The following SNTG1 variants were observed in gnomAD, a reference collection of about 807,000 sequenced individuals.
SNTG1 encodes gamma-1-syntrophin.
SNTG1 carries 39 observed loss-of-function variants against 74.7 expected under a neutral mutation model. That is an observed-to-expected ratio of 0.52 (90% CI 0.40 to 0.68). The LOEUF (loss-of-function observed/expected upper bound fraction) is 0.68. Ranked by LOEUF, SNTG1 falls within the 30% of genes least tolerant of loss-of-function variation. SNTG1 has a pLI of 0.00. For synonymous variants in SNTG1, 254 were observed against 217.1 expected (o/e 1.17, Z -1.49); for missense variants, 685 against 609.5 (o/e 1.12, Z -1.30).
intron 13 of SNTG1, among the ~76,000 whole-genome samples, chr8:50,604,245 C>T (rs150501480): frequency 6.3e-4 from 96 of 152,136 alleles, no homozygotes; most frequent in African/African-American, 2.1e-3. Flanking sequence ...TGATGAAACT[C>T]ATCTGTACTT....
At chr8:50,477,587 A>C (rs1210731561) in intron 8 of SNTG1, among the ~76,000 whole-genome samples, 1 of 152,172 alleles carries the variant, frequency 6.6e-6, no homozygotes, top group East Asian at 1.9e-4. Flanking sequence ...AGATCCTGGA[A>C]CTAGAATAAA....
chr8:50,783,000 G>A (rs541790996), intron 18 of SNTG1, among the ~76,000 whole-genome samples: 32 of 152,236 alleles, frequency 2.1e-4, no homozygotes, highest in Middle Eastern at 3.4e-3. Flanking sequence ...TACCAGCAGC[G>A]GTGGCTGCAG....
intron 2 of SNTG1, among the ~76,000 whole-genome samples, chr8:50,225,590 G>A (rs186251214): frequency 6.6e-6 from 1 of 152,122 alleles, no homozygotes; most frequent in Non-Finnish European, 1.5e-5. Flanking sequence ...TTGGGCACAT[G>A]TTCACAGGAT....
intron 4 of SNTG1, among the ~76,000 whole-genome samples, chr8:50,411,102 C>T (rs548746564): frequency 6.6e-6 from 1 of 152,152 alleles, no homozygotes; most frequent in Non-Finnish European, 1.5e-5. Flanking sequence ...TTGCGCTTCT[C>T]CTTGTTTGGC....
chr8:50,777,226 TATATATATAATAATATA>T (rs2095643376), intron 18 of SNTG1, among the ~76,000 whole-genome samples: 2 of 119,330 alleles, frequency 1.7e-5, no homozygotes, highest in South Asian at 5.0e-4. Context: ...AGCATATATA[TATATATATAATAATATA>T]ATATATATAA....
In SNTG1 at chr8:50,729,661, A is replaced by G. The variant is rs2095508151; in HGVS notation, c.1284+20683A>G. Among the ~76,000 whole-genome samples the G allele has an allele frequency of 2.6e-5, 4 of 152,164 alleles. No homozygotes were observed. In the South Asian group the frequency reaches 8.3e-4, roughly 31 times the overall value. ...GCTAGTTTGAATTTCATAGAGTAGT[A>G]TTCACGGCAGAGAAATAGGTTTGTG... On this transcript the variant is annotated intron_variant, in intron 17 of 18. Coordinates refer to ENST00000642720, the MANE Select transcript of SNTG1 (RefSeq NM_018967.5).
intron 2 of SNTG1, among the ~76,000 whole-genome samples, chr8:50,293,290 G>C (rs1404504172): frequency 6.6e-6 from 1 of 152,064 alleles, no homozygotes; most frequent in Non-Finnish European, 1.5e-5. Flanking sequence ...CTTGCTTGAA[G>C]ATTGTCATCT....
intron 2 of SNTG1, among the ~76,000 whole-genome samples, chr8:50,174,225 T>G (rs954656390): frequency 1.3e-5 from 2 of 152,234 alleles, no homozygotes; most frequent in African/African-American, 4.8e-5. Context: ...ATTTTCTTTA[T>G]GCAGTCTACC....
At chr8:49,931,506 AC>A (rs1807588666) in intron 1 of SNTG1, among the ~76,000 whole-genome samples, 2 of 152,202 alleles carry the variant, frequency 1.3e-5, no homozygotes, top group African/African-American at 4.8e-5. Flanking sequence ...TCAGCATCGC[AC>A]AATATACCCA....
chr8:50,793,015 T>A lies in SNTG1; in HGVS notation c.*186T>A. 2.0e-6 allele frequency: 1 copy of A among 508,592 alleles called. No individual in the cohort carries two copies. Among genetic ancestry groups the A allele is most frequent in the Non-Finnish European group, 3.3e-6 (1 of 300,328 alleles). The allele number at this position is 508,592 out of a possible 1,614,324, so 31.5% of individuals were successfully genotyped here. Reference sequence around the variant, plus strand: ...TCTATTCTGGATGACATCTGTGAAATATACTACATGAACAGAACAGCTTGT... The same window carrying A: ...TCTATTCTGGATGACATCTGTGAAAAATACTACATGAACAGAACAGCTTGT... On this transcript the variant is annotated 3_prime_UTR_variant, in exon 19 of 19. Coordinates refer to ENST00000642720, the MANE Select transcript of SNTG1 (RefSeq NM_018967.5).
intron 1 of SNTG1, among the ~76,000 whole-genome samples, chr8:49,969,385 A>ATATTTT (rs1811434626): frequency 8.6e-6 from 1 of 116,628 alleles, no homozygotes. Context: ...AATTCATTTA[A>ATATTTT]TCTTTTTTTT....
intron 2 of SNTG1, among the ~76,000 whole-genome samples, chr8:50,267,187 T>G (rs1431052177): frequency 2.0e-5 from 3 of 152,146 alleles, no homozygotes; most frequent in Admixed American, 6.5e-5. Context: ...TTATTAAAGT[T>G]TAAATGTATG....
intron 1 of SNTG1, among the ~76,000 whole-genome samples, chr8:50,047,166 C>G (rs1410674863): frequency 6.6e-6 from 1 of 151,820 alleles, no homozygotes; most frequent in Non-Finnish European, 1.5e-5. Flanking sequence ...TGGTAAAACC[C>G]CATGTCTACA....
rs146893389 is a variant in SNTG1 at position 50,133,648 on chromosome 8, C to T, written c.-102-38913C>T. Among the ~76,000 whole-genome samples, 352 of 152,278 alleles carry T rather than the reference C, an allele frequency of 2.3e-3. 1 individual carries two copies. Among genetic ancestry groups the T allele is most frequent in the Non-Finnish European group, 4.2e-3 (289 of 68,026 alleles). ...CCAGCTTCCTCTGGTGGCCATCCAT[C>T]TTTGACAGGTCTAAGCTTACAGCTG... On this transcript the variant is annotated intron_variant, in intron 1 of 18. Transcript: ENST00000642720.
chr8:49,922,674 A>G (rs1351268994), intron 1 of SNTG1, among the ~76,000 whole-genome samples: 1 of 152,116 alleles, frequency 6.6e-6, no homozygotes, highest in African/African-American at 2.4e-5. Context: ...TCATCTGTAT[A>G]TTTGGCAATA....
At chr8:50,636,549 G>A (rs2095040606) in intron 13 of SNTG1, among the ~76,000 whole-genome samples, 1 of 152,078 alleles carries the variant, frequency 6.6e-6, no homozygotes, top group Non-Finnish European at 1.5e-5. Context: ...TGGCAGGACT[G>A]ACTTCCAATG....
At chr8:50,384,771 G>C (rs1306534223) in intron 2 of SNTG1, among the ~76,000 whole-genome samples, 1 of 152,126 alleles carries the variant, frequency 6.6e-6, no homozygotes, top group Non-Finnish European at 1.5e-5. Context: ...GAAGGTAATG[G>C]AGCAAGAGTG....
At chr8:50,642,113 T>A (rs1312072408) in intron 13 of SNTG1, among the ~76,000 whole-genome samples, 1 of 152,208 alleles carries the variant, frequency 6.6e-6, no homozygotes, top group Non-Finnish European at 1.5e-5. Context: ...TCCTATCTTT[T>A]AATGGCCTCC....
chr8:49,946,525 A>G (rs1191686015), intron 1 of SNTG1, among the ~76,000 whole-genome samples: 3 of 152,230 alleles, frequency 2.0e-5, no homozygotes, highest in Non-Finnish European at 4.4e-5. Flanking sequence ...CATGGCTTGC[A>G]GTAGCTTTTA....
Sources: gnomAD v4.1 joint callset for allele counts (sites outside exome capture counted in the v4.1 genomes callset) on GRCh38, gnomAD v4.1.1 for gene constraint, MANE v1.5 for transcripts, NCBI Gene and HGNC (gene_info 2026-07-23, HGNC 2026-07-21) for gene names.